Variants in GNAQ observed in about 807,000 individuals in gnomAD.
The protein encoded by GNAQ is G protein subunit alpha q.
In GNAQ, 8 loss-of-function variants were observed where a neutral mutation model predicts 43.9. The ratio of observed to expected loss-of-function variants is 0.18; its 90% confidence interval spans 0.11 to 0.33. The LOEUF is 0.33. Ranked by LOEUF, GNAQ falls within the 10% of genes least tolerant of loss-of-function variation. The pLI, the probability that GNAQ is intolerant of heterozygous loss-of-function variation, is 1.00. For missense variants in GNAQ, 158 were observed against 450.8 expected (o/e 0.35, Z 5.88); for synonymous variants, 155 against 170.7 (o/e 0.91, Z 0.71).
chr9:77,726,015 A>AGT (rs142955619), intron 6 of GNAQ, among the ~76,000 whole-genome samples: 2,474 of 150,704 alleles, frequency 0.016, 65 homozygotes, highest in African/African-American at 0.051. Context: ...AAGAACCTCG[A>AGT]GTGTGTGTGT....
intron 2 of GNAQ, among the ~76,000 whole-genome samples, chr9:77,856,710 A>G (rs1407752281): frequency 6.6e-6 from 1 of 152,216 alleles, no homozygotes; most frequent in African/African-American, 2.4e-5. Flanking sequence ...AATTATTTTT[A>G]TAATATATAC....
At chr9:77,776,877 T>C (rs1263012311) in intron 5 of GNAQ, among the ~76,000 whole-genome samples, 2 of 151,894 alleles carry the variant, frequency 1.3e-5, no homozygotes, top group Non-Finnish European at 2.9e-5. Flanking sequence ...TTTTTTTTTT[T>C]TGGCAGAAAC....
chr9:77,868,665 A>G (rs1229231358), intron 2 of GNAQ, among the ~76,000 whole-genome samples: 3 of 152,076 alleles, frequency 2.0e-5, no homozygotes, highest in Non-Finnish European at 2.9e-5. Flanking sequence ...GTGTGGTGGC[A>G]CGTGCCTGTA....
chr9:77,819,029 A>AAAAAAAAAAAAAAAAAAAG lies in GNAQ; in HGVS notation c.322-3260_322-3259insCTTTTTTTTTTTTTTTTTT, dbSNP rs1564120114. Reference sequence around the variant, plus strand: ...AAAAAAAAAAAAAAAAAAAAAAAAAACACCCAAAAATACCTAGTATGATTT... The same window carrying AAAAAAAAAAAAAAAAAAAG: ...AAAAAAAAAAAAAAAAAAAAAAAAAAAAAAAAAAAAAAAAAAAAGCACCCAAAAATACCTAGTATGATTT... On this transcript the variant is annotated intron_variant, in intron 2 of 6. Coordinates refer to ENST00000286548, the MANE Select transcript of GNAQ (RefSeq NM_002072.5). Among the ~76,000 whole-genome samples the AAAAAAAAAAAAAAAAAAAG allele has an allele frequency of 1.7e-5, 2 of 119,184 alleles. 1 individual carries two copies. The allele number at this position is 119,184 out of a possible 152,430, so 78.2% of individuals were successfully genotyped here.
At chr9:77,957,405 T>C (rs1823056393) in intron 1 of GNAQ, among the ~76,000 whole-genome samples, 1 of 151,842 alleles carries the variant, frequency 6.6e-6, no homozygotes, top group East Asian at 1.9e-4. Flanking sequence ...AAAAAAACCC[T>C]TAATAATAAT....
At chr9:77,744,826 C>A (rs61498755) in intron 5 of GNAQ, among the ~76,000 whole-genome samples, 1 of 152,008 alleles carries the variant, frequency 6.6e-6, no homozygotes, top group Non-Finnish European at 1.5e-5. Flanking sequence ...TAAATAAAAT[C>A]TCCAGGAACT....
chr9:77,772,540 G>A (rs556826716), intron 5 of GNAQ, among the ~76,000 whole-genome samples: 1 of 152,310 alleles, frequency 6.6e-6, no homozygotes, highest in African/African-American at 2.4e-5. Context: ...GAGTGGAATA[G>A]AAACTCCCTT....
intron 2 of GNAQ, among the ~76,000 whole-genome samples, chr9:77,816,579 G>A (rs1269872754): frequency 2.0e-5 from 3 of 151,830 alleles, no homozygotes; most frequent in Admixed American, 6.6e-5. Context: ...TCAAACTAAG[G>A]TTTATGGAAT....
intron 1 of GNAQ, among the ~76,000 whole-genome samples, chr9:77,998,162 G>C (rs1329950458): frequency 1.3e-5 from 2 of 152,158 alleles, no homozygotes; most frequent in Non-Finnish European, 2.9e-5. Flanking sequence ...CAAGCTGCTC[G>C]GCTTCCTGTT....
intron 2 of GNAQ, among the ~76,000 whole-genome samples, chr9:77,896,766 AG>A (rs1828510648): frequency 2.0e-5 from 3 of 152,226 alleles, no homozygotes; most frequent in African/African-American, 7.2e-5. Flanking sequence ...AGCTCAATGA[AG>A]GCACTAGCTC....
At chr9:77,977,268 C>T (rs1327985464) in intron 1 of GNAQ, among the ~76,000 whole-genome samples, 1 of 152,110 alleles carries the variant, frequency 6.6e-6, no homozygotes, top group African/African-American at 2.4e-5. Context: ...CCACCCTAAC[C>T]CCATCTCAGT....
chr9:77,968,577 A>G (rs148704227), intron 1 of GNAQ, among the ~76,000 whole-genome samples: 276 of 152,384 alleles, frequency 1.8e-3, no homozygotes, highest in Non-Finnish European at 3.2e-3. Context: ...AGGCAGTGAC[A>G]TTCTATGTAT....
At chr9:77,749,222 G>A (rs1192844382) in intron 5 of GNAQ, among the ~76,000 whole-genome samples, 1 of 152,156 alleles carries the variant, frequency 6.6e-6, no homozygotes, top group Non-Finnish European at 1.5e-5. Context: ...TTGGGTCTAA[G>A]TCAAAACATC....
intron 2 of GNAQ, among the ~76,000 whole-genome samples, chr9:77,847,731 C>T (rs1227864468): frequency 6.6e-6 from 1 of 152,194 alleles, no homozygotes; most frequent in Non-Finnish European, 1.5e-5. Context: ...TATGCAGGGC[C>T]TCCCTATGTG....
intron 5 of GNAQ, among the ~76,000 whole-genome samples, chr9:77,777,287 A>C (rs758930300): frequency 6.6e-6 from 1 of 152,144 alleles, no homozygotes; most frequent in African/African-American, 2.4e-5. Flanking sequence ...AATGCAATAT[A>C]TATTCATTAG....
chr9:78,028,150 A>G (rs1178044305), intron 1 of GNAQ, among the ~76,000 whole-genome samples: 1 of 152,232 alleles, frequency 6.6e-6, no homozygotes, highest in Non-Finnish European at 1.5e-5. Flanking sequence ...ATGCTCTTGT[A>G]TATCTACATA....
At chr9:77,960,376 G>C (rs1027467853) in intron 1 of GNAQ, among the ~76,000 whole-genome samples, 1 of 152,176 alleles carries the variant, frequency 6.6e-6, no homozygotes, top group Admixed American at 6.5e-5. Flanking sequence ...CAGGCAAAGC[G>C]AGGTAGGCAG....
chr9:77,899,264 T>C (rs952632953), intron 2 of GNAQ, among the ~76,000 whole-genome samples: 1 of 150,798 alleles, frequency 6.6e-6, no homozygotes, highest in Non-Finnish European at 1.5e-5. Context: ...ACCCAGCCAA[T>C]TTTTTTATTT....
At chr9:77,888,029 T>C (rs962024114) in intron 2 of GNAQ, among the ~76,000 whole-genome samples, 6 of 152,210 alleles carry the variant, frequency 3.9e-5, no homozygotes, top group African/African-American at 1.4e-4. Context: ...ACTTTCACAC[T>C]AACACTAAGA....
Sources: gnomAD v4.1 joint callset for allele counts (sites outside exome capture counted in the v4.1 genomes callset) on GRCh38, gnomAD v4.1.1 for gene constraint, MANE v1.5 for transcripts, NCBI Gene and HGNC (gene_info 2026-07-23, HGNC 2026-07-21) for gene names.